Variants in FUT8 observed in about 807,000 individuals in gnomAD.
FUT8 encodes the protein fucosyltransferase 8.
In FUT8, 29 loss-of-function variants were observed where a neutral mutation model predicts 71.3. The ratio of observed to expected loss-of-function variants is 0.41; its 90% CI spans 0.30 to 0.55. The LOEUF (loss-of-function observed/expected upper bound fraction) is 0.55. Among genes scored for constraint, FUT8 ranks in the 20% least tolerant of loss-of-function variants. The pLI is 0.34. For missense variants in FUT8, 544 were observed against 702.1 expected, an observed-to-expected ratio of 0.77 and a Z score of 2.55; for synonymous variants, 254 against 239.3, an observed-to-expected ratio of 1.06 and a Z score of -0.57.
At chr14:65,386,905 G>A in the FUT8 span, among the ~76,000 whole-genome samples, 6 of 139,894 alleles carry the variant, frequency 4.3e-5, no homozygotes, top group Admixed American at 3.1e-4. Context: ...GCAGTGGTGC[G>A]ATCTCAGCTT....
intron 6 of FUT8, among the ~76,000 whole-genome samples, chr14:65,650,866 C>T (rs1051916437): frequency 2.0e-5 from 3 of 152,070 alleles, no homozygotes; most frequent in Admixed American, 1.3e-4. Flanking sequence ...GAAAAAAAAG[C>T]CCCATTTTAA....
In FUT8 at chr14:65,483,539, C is replaced by T. The variant is rs2066363024; in HGVS notation, c.-228+27821C>T. On this transcript the variant is annotated intron_variant, in intron 2 of 10. Transcript: ENST00000673929. The surrounding 1 kb of genome is among the most constrained non-coding windows in gnomAD (Gnocchi z 4.4). Reference sequence around the variant, plus strand: ...ATAGATGAATTTGAGGGACAGTTGACATCTTAACGATATCAAGTCTTCTGA... The same window carrying T: ...ATAGATGAATTTGAGGGACAGTTGATATCTTAACGATATCAAGTCTTCTGA... Among the ~76,000 whole-genome samples the T allele has an allele frequency of 6.6e-6, 1 of 152,182 alleles. No homozygotes were observed. Among genetic ancestry groups the T allele is most frequent in the African/African-American group, 2.4e-5 (1 of 41,452 alleles).
the FUT8 span, among the ~76,000 whole-genome samples, chr14:65,377,019 CAGTT>C: frequency 6.6e-6 from 1 of 152,158 alleles, no homozygotes; most frequent in Non-Finnish European, 1.5e-5. Context: ...AATAAATTGT[CAGTT>C]AATCACTTTT....
intron 6 of FUT8, among the ~76,000 whole-genome samples, chr14:65,636,973 A>G (rs1890590362): frequency 6.6e-6 from 1 of 152,212 alleles, no homozygotes; most frequent in Admixed American, 6.5e-5. Flanking sequence ...CTCAAATAGA[A>G]TGGATCAAGC....
intron 10 of FUT8, among the ~76,000 whole-genome samples, chr14:65,737,588 G>T (rs576532770): frequency 6.6e-6 from 1 of 152,204 alleles, no homozygotes; most frequent in African/African-American, 2.4e-5. Context: ...CACAGTATCA[G>T]AAAGGTTTTC....
intron 2 of FUT8, among the ~76,000 whole-genome samples, chr14:65,539,128 C>G (rs1343319758): frequency 6.6e-6 from 1 of 152,168 alleles, no homozygotes; most frequent in East Asian, 1.9e-4. Flanking sequence ...ACTACATACA[C>G]TTGCCAAAAC....
chr14:65,524,905 T>C (rs1321779096), intron 2 of FUT8, among the ~76,000 whole-genome samples: 1 of 152,228 alleles, frequency 6.6e-6, no homozygotes, highest in Non-Finnish European at 1.5e-5. Flanking sequence ...GAACGAGCCT[T>C]GCATCCCAGG....
intron 3 of FUT8, among the ~76,000 whole-genome samples, chr14:65,589,500 G>A (rs1364589582): frequency 2.1e-5 from 3 of 143,520 alleles, no homozygotes; most frequent in Non-Finnish European, 3.0e-5. Flanking sequence ...CTGGAGTGCA[G>A]TGGCGCAATT....
intron 2 of FUT8, among the ~76,000 whole-genome samples, chr14:65,516,960 A>G (rs1882749825): frequency 6.6e-6 from 1 of 150,930 alleles, no homozygotes; most frequent in South Asian, 2.1e-4. Context: ...GAGTGGAACC[A>G]CACAAAATAT....
chr14:65,467,785 CT>C lies in FUT8; in HGVS notation c.-228+12071del. On this transcript the variant is annotated intron_variant, in intron 2 of 10. Coordinates refer to ENST00000673929, the MANE Select transcript of FUT8 (RefSeq NM_001371533.1). This position sits in a 1 kb window ranked among gnomAD's most constrained non-coding sequence, Gnocchi z 4.1. Reference sequence around the variant, plus strand: ...CACCGTGCCCAGCCAGTCTAGAGGTCTTTTATTTTTTTTAACACCTGTTATG... The same window carrying C: ...CACCGTGCCCAGCCAGTCTAGAGGTCTTTATTTTTTTTAACACCTGTTATG... 1 of 700,318 alleles carries C rather than the reference CT, an allele frequency of 1.4e-6. No homozygotes were observed. Among genetic ancestry groups the C allele is most frequent in the Non-Finnish European group, 2.7e-6 (1 of 372,144 alleles). 43.4% of individuals were successfully genotyped at this position (700,318 alleles called of 1,614,324 possible). A position where few individuals can be genotyped will look rare whatever the true frequency, so the allele number is the denominator to read the frequency against.
chr14:65,512,651 CTGT>C (rs1882426682), intron 2 of FUT8, among the ~76,000 whole-genome samples: 1 of 151,918 alleles, frequency 6.6e-6, no homozygotes, highest in Non-Finnish European at 1.5e-5. Flanking sequence ...TGGCTCATGC[CTGT>C]AATCCCAGCA....
rs1364316292 is a variant in FUT8 at position 65,660,692 on chromosome 14, TG to T, written c.598-8550del. ...GGATGCCTTAGTACAGTCTTAACTT[TG>T]CTATGGAAATATTCTTGTTTAATAT... On this transcript the variant is annotated intron_variant, in intron 6 of 10. Transcript: ENST00000673929. The surrounding 1 kb of genome is among the most constrained non-coding windows in gnomAD (Gnocchi z 4.1). 1.3e-5 allele frequency among the ~76,000 whole-genome samples: 2 copies of T among 152,202 alleles called. No individual in the cohort carries two copies. The highest frequency in any genetic ancestry group is 2.9e-5 in the Non-Finnish European group (2 of 68,028).
chr14:65,642,468 TG>T (rs1280308607), intron 6 of FUT8, among the ~76,000 whole-genome samples: 5 of 152,088 alleles, frequency 3.3e-5, no homozygotes, highest in Non-Finnish European at 7.4e-5. Context: ...CCAGGCGTGG[TG>T]GCGCACACCT....
chr14:65,696,718 G>T (rs563107131), intron 7 of FUT8, among the ~76,000 whole-genome samples: 6 of 151,836 alleles, frequency 4.0e-5, no homozygotes, highest in African/African-American at 1.4e-4. Context: ...TCCACCTTTT[G>T]TAAATTGTCC....
chr14:65,521,342 T>C (rs888147255), intron 2 of FUT8, among the ~76,000 whole-genome samples: 3 of 152,188 alleles, frequency 2.0e-5, no homozygotes, highest in African/African-American at 4.8e-5. Context: ...TAAAAACATA[T>C]ATATTAGTCT....
chr14:65,726,181 CTG>C (rs1244060043), intron 9 of FUT8, among the ~76,000 whole-genome samples: 1 of 152,208 alleles, frequency 6.6e-6, no homozygotes, highest in Admixed American at 6.5e-5. Flanking sequence ...AAACACCAAA[CTG>C]AATTTGTAGC....
chr14:65,740,087 G>A (rs977047338), intron 10 of FUT8, among the ~76,000 whole-genome samples: 4 of 151,822 alleles, frequency 2.6e-5, no homozygotes, highest in Admixed American at 2.6e-4. Context: ...GCCTTTGGCT[G>A]AATTTGAAAT....
chr14:65,578,411 A>T (rs1034374160), intron 3 of FUT8, among the ~76,000 whole-genome samples: 1 of 152,164 alleles, frequency 6.6e-6, no homozygotes, highest in African/African-American at 2.4e-5. Context: ...CAGTATGAAG[A>T]TTTATTTTGT....
At chr14:65,697,658 C>T (rs1894062763) in intron 7 of FUT8, among the ~76,000 whole-genome samples, 1 of 152,088 alleles carries the variant, frequency 6.6e-6, no homozygotes, top group African/African-American at 2.4e-5. Context: ...AATATGAGGC[C>T]AGGTGCGGTG....
Sources: gnomAD v4.1 joint callset for allele counts (sites outside exome capture counted in the v4.1 genomes callset) on GRCh38, gnomAD v4.1.1 for gene constraint, Gnocchi (gnomAD v3.1) non-coding constraint, MANE v1.5 for transcripts, NCBI Gene and HGNC (gene_info 2026-07-23, HGNC 2026-07-21) for gene names.